CACNA2D4: variants seen among roughly 807,000 people sequenced by gnomAD.
CACNA2D4 encodes the protein calcium voltage-gated channel auxiliary subunit alpha2delta 4.
A neutral mutation model predicts 163.8 loss-of-function variants in CACNA2D4; 157 were observed. The ratio of observed to expected loss-of-function variants is 0.96; its 90% CI spans 0.84 to 1.09. The LOEUF (loss-of-function observed/expected upper bound fraction) is 1.09, where lower values mean the gene tolerates loss of function less well. Among genes scored for constraint, CACNA2D4 ranks in the 50% least tolerant of loss-of-function variants. The pLI, the probability that CACNA2D4 is intolerant of heterozygous loss-of-function variation, is 0.00. For missense variants in CACNA2D4, 1,410 were observed against 1,479.9 expected, an observed-to-expected ratio of 0.95 and a Z score of 0.78; for synonymous variants, 598 against 586.9, an observed-to-expected ratio of 1.02 and a Z score of -0.27.
At chr12:1,901,674 A>G (rs972853723) in intron 6 of CACNA2D4, among the ~76,000 whole-genome samples, 3 of 152,172 alleles carry the variant, frequency 2.0e-5, no homozygotes, top group Non-Finnish European at 4.4e-5. Flanking sequence ...ATCAATAACA[A>G]GTAATGCTAT....
Position 1,834,204 on chromosome 12 carries a change from T to A in CACNA2D4, c.2551+6535A>T. On this transcript the variant is annotated intron_variant, in intron 26 of 37. Transcript: ENST00000382722. The surrounding 1 kb of genome is among the most constrained non-coding windows in gnomAD (Gnocchi z 7.6). ...GGCTTCCGTTTTGGGGAGCTGGGGATGGGGAGAGGGAGTGCAAGTTCTAGA... is the reference window on the plus strand; with the variant it reads ...GGCTTCCGTTTTGGGGAGCTGGGGAAGGGGAGAGGGAGTGCAAGTTCTAGA... 6.7e-7 allele frequency: 1 copy of A among 1,499,266 alleles called. No individual in the cohort carries two copies. The highest frequency in any genetic ancestry group is 8.9e-7 in the Non-Finnish European group (1 of 1,123,846). The allele number at this position is 1,499,266 out of a possible 1,614,324, so 92.9% of individuals were successfully genotyped here.
At chr12:1,816,020 A>G (rs1211387050) in intron 26 of CACNA2D4, among the ~76,000 whole-genome samples, 1 of 152,170 alleles carries the variant, frequency 6.6e-6, no homozygotes, top group Non-Finnish European at 1.5e-5. Flanking sequence ...CCTGGCTTGC[A>G]TCATATTGAA....
chr12:1,859,078 ACTTT>A (rs1865466136), intron 19 of CACNA2D4, among the ~76,000 whole-genome samples: 1 of 152,086 alleles, frequency 6.6e-6, no homozygotes, highest in African/African-American at 2.4e-5. Flanking sequence ...TGAATATCTG[ACTTT>A]CTTGGGGAAC....
chr12:1,834,457 T>A lies in CACNA2D4; in HGVS notation c.2551+6282A>T. 1 of 1,611,550 alleles carries A rather than the reference T, an allele frequency of 6.2e-7. No homozygotes were observed. The highest frequency in any genetic ancestry group is 8.5e-7 in the Non-Finnish European group (1 of 1,179,806). Reference sequence around the variant, plus strand: ...AGCCTGCTAAGCCCAAGCCCGGGGCTGAGCCGGAGCCGGAGCCCAGCACAG... The same window carrying A: ...AGCCTGCTAAGCCCAAGCCCGGGGCAGAGCCGGAGCCGGAGCCCAGCACAG... On this transcript the variant is annotated intron_variant, in intron 26 of 37. Transcript: ENST00000382722. This position sits in a 1 kb window ranked among gnomAD's most constrained non-coding sequence, Gnocchi z 7.6.
intron 1 of CACNA2D4, among the ~76,000 whole-genome samples, chr12:1,916,614 C>G (rs1181142507): frequency 6.6e-6 from 1 of 152,066 alleles, no homozygotes; most frequent in Non-Finnish European, 1.5e-5. Flanking sequence ...ATAAGCCGTG[C>G]CCATGCAGGC....
rs910441642 is a variant in CACNA2D4, at chr12:1,810,154, T to C, written c.2721+124A>G. On this transcript the variant is annotated intron_variant, in intron 29 of 37. Coordinates refer to ENST00000382722, the MANE Select transcript of CACNA2D4 (RefSeq NM_172364.5). The stretch of plus-strand genomic sequence containing the variant: ...CACCATGTTCTTCAGACCTTTCACC[T>C]GAATTGGCCCCGAACAGGGTTCCCT... 7 of 731,322 alleles carry C rather than the reference T, an allele frequency of 9.6e-6. No homozygotes were observed. In the Middle Eastern group the frequency reaches 7.1e-4, roughly 74 times the overall value. The allele number at this position is 731,322 out of a possible 1,614,324, so 45.3% of individuals were successfully genotyped here. A position where few individuals can be genotyped will look rare whatever the true frequency, so the allele number is the denominator to read the frequency against.
In CACNA2D4 at chr12:1,906,691, G is replaced by A. The variant is rs552222533; in HGVS notation, c.781+749C>T. ...CTATTCATTGAAGCTCCAGAGAACC[G>A]AAACAGCCACAATAGCTAGCTGTGA... On this transcript the variant is annotated intron_variant, in intron 6 of 37. Transcript: ENST00000382722. 2.8e-4 allele frequency among the ~76,000 whole-genome samples: 42 copies of A among 152,290 alleles called. No individual in the cohort carries two copies. In the South Asian group the frequency reaches 8.1e-3, roughly 29 times the overall value.
Position 1,869,034 on chromosome 12 carries a change from G to T in CACNA2D4, c.1878+5570C>A, listed in dbSNP as rs986863232. 6.6e-6 allele frequency among the ~76,000 whole-genome samples: 1 copy of T among 152,124 alleles called. No homozygotes were observed. The highest frequency in any genetic ancestry group is 2.4e-5 in the African/African-American group (1 of 41,422). ...GATTTTGGTATCTTTGGGGTGTCCT[G>T]GTCCAATCCCCATGGATGCTGAGGG... On this transcript the variant is annotated intron_variant, in intron 18 of 37. Coordinates refer to ENST00000382722, the MANE Select transcript of CACNA2D4 (RefSeq NM_172364.5). This position sits in a 1 kb window ranked among gnomAD's most constrained non-coding sequence, Gnocchi z 4.7.
chr12:1,810,558 C>G lies in CACNA2D4; in HGVS notation c.2643G>C (p.Gln881His), dbSNP rs1297124716. 1.3e-6 allele frequency: 2 copies of G among 1,553,624 alleles called. No individual in the cohort carries two copies. Among genetic ancestry groups the G allele is most frequent in the East Asian group, 4.9e-5 (2 of 41,026 alleles). The change falls in exon 28 of 38, where the codon CAG becomes CAC. Residue 881 changes from glutamine (Q) to histidine (H), a missense_variant. Transcript: ENST00000382722. Reference sequence around the variant, plus strand: ...CAGAACTTACACTGTCCTCGCAGCTCTGTGTGCACGGCCCATCCACAGTGC... The same window carrying G: ...CAGAACTTACACTGTCCTCGCAGCTGTGTGTGCACGGCCCATCCACAGTGC... Reference protein sequence around the residue: ...QCSTVDGPCTQSCEDSDLDCF... With the variant: ...QCSTVDGPCTHSCEDSDLDCF...
At chr12:1,876,062 T>C (rs1397844247) in intron 16 of CACNA2D4, among the ~76,000 whole-genome samples, 1 of 152,224 alleles carries the variant, frequency 6.6e-6, no homozygotes, top group Non-Finnish European at 1.5e-5. Flanking sequence ...GGACACACTG[T>C]CAGGTCCCTC....
Position 1,896,606 on chromosome 12 carries a change from AACACACACACACACACACACACAC to A in CACNA2D4, c.782-9561_782-9538del, listed in dbSNP as rs61535168. The stretch of plus-strand genomic sequence containing the variant: ...ATCCCAGTTAGAATAGCTATTAATA[AACACACACACACACACACACACAC>A]ACACACACACACACACACACACACA... On this transcript the variant is annotated intron_variant, in intron 6 of 37. Coordinates refer to ENST00000382722, the MANE Select transcript of CACNA2D4 (RefSeq NM_172364.5). Among the ~76,000 whole-genome samples, 16 of 130,720 alleles carry A rather than the reference AACACACACACACACACACACACAC, an allele frequency of 1.2e-4. No homozygotes were observed. In the South Asian group the frequency reaches 1.7e-3, roughly 14 times the overall value. 85.8% of individuals were successfully genotyped at this position (130,720 alleles called of 152,430 possible). A position where few individuals can be genotyped will look rare whatever the true frequency, so the allele number is the denominator to read the frequency against.
At chr12:1,796,577 G>A (rs1178257173) in intron 35 of CACNA2D4, among the ~76,000 whole-genome samples, 1 of 152,242 alleles carries the variant, frequency 6.6e-6, no homozygotes, top group Non-Finnish European at 1.5e-5. Context: ...TGCGACAAGT[G>A]CACAGGGAAC....
At position 1,799,938 on chromosome 12, in the gene CACNA2D4, A is replaced by C; in HGVS notation, c.2974+62T>G. On this transcript the variant is annotated intron_variant, in intron 33 of 37. Transcript: ENST00000382722. The surrounding 1 kb of genome is among the most constrained non-coding windows in gnomAD (Gnocchi z 4.7). The stretch of plus-strand genomic sequence containing the variant: ...CACCCACCCCACAGGGAATGGTCTC[A>C]CGTTAGTGGACCAAAATGCCACTGC... 2 of 1,519,704 alleles carry C rather than the reference A, an allele frequency of 1.3e-6. No individual in the cohort carries two copies. Among genetic ancestry groups the C allele is most frequent in the Non-Finnish European group, 9.0e-7 (1 of 1,113,560 alleles). The allele number at this position is 1,519,704 out of a possible 1,614,324, so 94.1% of individuals were successfully genotyped here. A position where few individuals can be genotyped will look rare whatever the true frequency, so the allele number is the denominator to read the frequency against.
At chr12:1,912,689 T>A (rs12422324) in intron 3 of CACNA2D4, among the ~76,000 whole-genome samples, 21,066 of 152,236 alleles carry the variant, frequency 0.14, 1,902 homozygotes, top group East Asian at 0.51. Flanking sequence ...GCTCACCCCG[T>A]GCAGTGCTCT....
chr12:1,913,328 C>T (rs1193016016), intron 2 of CACNA2D4, among the ~76,000 whole-genome samples, 189 bp from the exon 3 acceptor site: 3 of 152,228 alleles, frequency 2.0e-5, no homozygotes, highest in Non-Finnish European at 4.4e-5. Context: ...GCTGCCTCTC[C>T]TCAAATATCC....
rs573427022 is a variant in CACNA2D4, at chr12:1,817,947, C to T, written c.2552-6224G>A. Among the ~76,000 whole-genome samples, 130 of 151,652 alleles carry T rather than the reference C, an allele frequency of 8.6e-4. 2 individuals carry two copies. The highest frequency in any genetic ancestry group is 3.0e-3 in the African/African-American group (124 of 41,088). ...GGAGCGTCTCCGCCTGGCCGCCCAT[C>T]GTCTGGGATGTGAGGAGCCTCTCTG... On this transcript the variant is annotated intron_variant, in intron 26 of 37. Coordinates refer to ENST00000382722, the MANE Select transcript of CACNA2D4 (RefSeq NM_172364.5).
At position 1,869,184 on chromosome 12, in the gene CACNA2D4, C is replaced by T. The variant is rs997622083; in HGVS notation, c.1878+5420G>A. Among the ~76,000 whole-genome samples, 1 of 152,224 alleles carries T rather than the reference C, an allele frequency of 6.6e-6. No individual in the cohort carries two copies. Among genetic ancestry groups the T allele is most frequent in the African/African-American group, 2.4e-5 (1 of 41,452 alleles). Reference sequence around the variant, plus strand: ...CTGTGTCAAATTAGCTAAGCTGGAACTACACTTCCAGACTCAATGCCCAGT... The same window carrying T: ...CTGTGTCAAATTAGCTAAGCTGGAATTACACTTCCAGACTCAATGCCCAGT... On this transcript the variant is annotated intron_variant, in intron 18 of 37. Coordinates refer to ENST00000382722, the MANE Select transcript of CACNA2D4 (RefSeq NM_172364.5). This position sits in a 1 kb window ranked among gnomAD's most constrained non-coding sequence, Gnocchi z 4.7.
intron 18 of CACNA2D4, among the ~76,000 whole-genome samples, chr12:1,861,065 T>C (rs1482742126): frequency 6.6e-6 from 1 of 152,250 alleles, no homozygotes; most frequent in African/African-American, 2.4e-5. Context: ...CACAAGTTCA[T>C]GTCATTGGGA....
intron 6 of CACNA2D4, among the ~76,000 whole-genome samples, chr12:1,896,646 C>CAAAA (rs1205083304): frequency 5.6e-5 from 8 of 141,608 alleles, no homozygotes; most frequent in African/African-American, 2.2e-4. Context: ...CACACACACA[C>CAAAA]ACACACACAA....
Sources: allele counts gnomAD v4.1 joint callset (sites outside exome capture counted in the v4.1 genomes callset), GRCh38; gene constraint gnomAD v4.1.1; non-coding constraint Gnocchi (gnomAD v3.1); transcripts MANE v1.5; gene names NCBI Gene and HGNC (gene_info 2026-07-23, HGNC 2026-07-21).